ADCY5: variants seen among roughly 807,000 people sequenced by gnomAD.
The protein encoded by ADCY5 is adenylate cyclase 5.
ADCY5 carries 30 observed loss-of-function variants against 119.7 expected under a neutral mutation model. The ratio of observed to expected loss-of-function variants is 0.25; its 90% confidence interval spans 0.19 to 0.34. ADCY5 has a LOEUF of 0.34. Ranked by LOEUF, ADCY5 falls within the 10% of genes least tolerant of loss-of-function variation. The probability of loss-of-function intolerance (pLI) is 1.00; values close to 1 mark genes in which losing one functional copy is unlikely to be tolerated. For synonymous variants in ADCY5, 753 were observed against 762.2 expected (o/e 0.99, Z 0.20); for missense variants, 1,324 against 1,775.2 (o/e 0.75, Z 4.57).
chr3:123,440,023 C>T (rs1196056083), intron 1 of ADCY5, among the ~76,000 whole-genome samples: 1 of 152,220 alleles, frequency 6.6e-6, no homozygotes, highest in African/African-American at 2.4e-5. Context: ...AATAGGCTTC[C>T]AAGCCGAGCT....
chr3:123,380,078 G>C (rs1214900758), intron 1 of ADCY5, among the ~76,000 whole-genome samples: 3 of 152,114 alleles, frequency 2.0e-5, no homozygotes, highest in African/African-American at 7.2e-5. Flanking sequence ...CTCCTATTTA[G>C]AGCCACTTCC....
At chr3:123,370,244 A>T (rs1300824924) in intron 1 of ADCY5, among the ~76,000 whole-genome samples, 6 of 152,162 alleles carry the variant, frequency 3.9e-5, no homozygotes, top group Non-Finnish European at 8.8e-5. Flanking sequence ...TTATCACACC[A>T]CCGCCCCCTT....
chr3:123,440,822 G>T (rs1050150995), intron 1 of ADCY5, among the ~76,000 whole-genome samples: 3 of 152,140 alleles, frequency 2.0e-5, no homozygotes, highest in African/African-American at 4.8e-5. Flanking sequence ...AAAAAGGAAG[G>T]GGGGATTGGG....
chr3:123,422,341 G>A (rs1001694810), intron 1 of ADCY5, among the ~76,000 whole-genome samples: 1 of 152,210 alleles, frequency 6.6e-6, no homozygotes, highest in African/African-American at 2.4e-5. Context: ...CTCCTCTCGG[G>A]CTGCCCACGG....
intron 1 of ADCY5, among the ~76,000 whole-genome samples, chr3:123,395,646 G>A (rs1484572568): frequency 6.6e-6 from 1 of 152,070 alleles, no homozygotes; most frequent in African/African-American, 2.4e-5. Flanking sequence ...GGGAGGGTGA[G>A]GTGGGAGGAT....
At chr3:123,418,894 G>A (rs991735976) in intron 1 of ADCY5, 1 of 152,354 alleles carries the variant, frequency 6.6e-6, no homozygotes, top group African/African-American at 2.4e-5. Context: ...CCCTGCCCTT[G>A]GAAAGCGGGC....
At chr3:123,334,745 T>C (rs774116167) in intron 3 of ADCY5, among the ~76,000 whole-genome samples, 5 of 151,944 alleles carry the variant, frequency 3.3e-5, no homozygotes, top group Non-Finnish European at 7.4e-5. Flanking sequence ...CAAATAATAA[T>C]GAATAAATAA....
intron 1 of ADCY5, among the ~76,000 whole-genome samples, chr3:123,382,298 G>C (rs1168223369): frequency 6.6e-6 from 1 of 152,170 alleles, no homozygotes; most frequent in Admixed American, 6.5e-5. Context: ...GGAGAAATCA[G>C]AACCTCCAGG....
In ADCY5 at chr3:123,327,727, T is replaced by C; in HGVS notation, c.1838A>G (p.Tyr613Cys). ...RIHITKATLN[Y>C]LNGDYEVEPG... ...CTCCACCTCGTAGTCCCCATTCAGG[T>C]AGTTGAGTGTAGCCTTGGTGATGTG... Residue 613 changes from tyrosine (Y) to cysteine (C), a missense_variant, in exon 7 of 21, where the codon TAC becomes TGC. Tyr to Cys is a radical substitution (Grantham distance 194). Coordinates refer to ENST00000462833, the MANE Select transcript of ADCY5 (RefSeq NM_183357.3). The C allele has an allele frequency of 1.4e-5, 22 of 1,613,992 alleles. No individual in the cohort carries two copies. Among genetic ancestry groups the C allele is most frequent in the Non-Finnish European group, 1.9e-5 (22 of 1,179,966 alleles).
chr3:123,333,226 G>C (rs1454898314), intron 3 of ADCY5, among the ~76,000 whole-genome samples: 2 of 152,194 alleles, frequency 1.3e-5, no homozygotes, highest in Non-Finnish European at 2.9e-5. Context: ...TGAGAAGGTG[G>C]CCGTCAGCAA....
chr3:123,429,829 T>C lies in ADCY5; in HGVS notation c.1134+17583A>G, dbSNP rs149497067. 6.3e-3 allele frequency among the ~76,000 whole-genome samples: 966 copies of C among 152,244 alleles called. 16 individuals carry two copies. The highest frequency in any genetic ancestry group is 0.022 in the African/African-American group (930 of 41,530). ...ACCAAGACTCTGAGCAACCACACTC[T>C]GCTGGGGAAGAGGCTGCCCCACCCC... is the stretch of plus-strand genomic sequence containing the variant. On this transcript the variant is annotated intron_variant, in intron 1 of 20. Coordinates refer to ENST00000462833, the MANE Select transcript of ADCY5 (RefSeq NM_183357.3).
At chr3:123,309,426 G>A (rs1358159269) in intron 12 of ADCY5, among the ~76,000 whole-genome samples, 2 of 152,236 alleles carry the variant, frequency 1.3e-5, no homozygotes, top group Non-Finnish European at 2.9e-5. Context: ...CACAGGCAGT[G>A]TCCTGGAGGG....
At chr3:123,438,160 G>A (rs540074315) in intron 1 of ADCY5, among the ~76,000 whole-genome samples, 4 of 152,290 alleles carry the variant, frequency 2.6e-5, no homozygotes, top group East Asian at 1.9e-4. Context: ...ATCCTAAAGC[G>A]TGTCCTAACA....
chr3:123,416,082 G>A, intron 1 of ADCY5: 3 of 1,318,946 alleles, frequency 2.3e-6, no homozygotes, highest in Non-Finnish European at 3.1e-6. Flanking sequence ...TACAGTACAG[G>A]CCCCAGGTGA....
rs183729417 is a variant in ADCY5, at chr3:123,388,982, G to A, written c.1135-36401C>T. 6.6e-5 allele frequency among the ~76,000 whole-genome samples: 10 copies of A among 152,280 alleles called. No homozygotes were observed. In the East Asian group the frequency reaches 9.7e-4, roughly 15 times the overall value. The stretch of plus-strand genomic sequence containing the variant: ...TGTCCCTAGTTAGCCTCTACAGGAG[G>A]GACCTGGGGAAGGAGGCGGGGCGGG... On this transcript the variant is annotated intron_variant, in intron 1 of 20. Coordinates refer to ENST00000462833, the MANE Select transcript of ADCY5 (RefSeq NM_183357.3).
At chr3:123,423,321 G>A (rs1009298024) in intron 1 of ADCY5, among the ~76,000 whole-genome samples, 1 of 152,232 alleles carries the variant, frequency 6.6e-6, no homozygotes, top group African/African-American at 2.4e-5. Flanking sequence ...CACCCCTGCG[G>A]AGAAGGGGAA....
chr3:123,386,681 C>T (rs78034262), intron 1 of ADCY5, among the ~76,000 whole-genome samples: 2,295 of 152,238 alleles, frequency 0.015, 53 homozygotes, highest in African/African-American at 0.052. Flanking sequence ...GGGCACCTCA[C>T]CCTCCTTGGG....
rs1943389271 is a variant in ADCY5 at position 123,365,155 on chromosome 3, A to G, written c.1135-12574T>C. Among the ~76,000 whole-genome samples, 6 of 152,186 alleles carry G rather than the reference A, an allele frequency of 3.9e-5. No homozygotes were observed. The South Asian group carries it at 1.2e-3, about 32-fold the overall frequency. On this transcript the variant is annotated intron_variant, in intron 1 of 20. Coordinates refer to ENST00000462833, the MANE Select transcript of ADCY5 (RefSeq NM_183357.3). ...GTATATTTAGTAGAGATAGGGTTTC[A>G]CCATGCTGGCCAGGAGGTCTTGAAC...
intron 1 of ADCY5, among the ~76,000 whole-genome samples, chr3:123,356,094 C>T (rs72626334): frequency 0.11 from 16,021 of 152,138 alleles, 2,140 homozygotes; most frequent in African/African-American, 0.3. Context: ...TGGATATCTA[C>T]ATGCAAAAGA....
Sources: gnomAD v4.1 joint callset for allele counts (sites outside exome capture counted in the v4.1 genomes callset) on GRCh38, gnomAD v4.1.1 for gene constraint, MANE v1.5 for transcripts, NCBI Gene and HGNC (gene_info 2026-07-23, HGNC 2026-07-21) for gene names.